FARP1: variants seen among roughly 807,000 people sequenced by gnomAD.
FARP1 encodes FERM, ARHGEF and pleckstrin domain-containing protein 1.
Under a neutral mutation model 128.8 loss-of-function variants are expected in FARP1, and 52 were observed. That is an observed-to-expected ratio of 0.40 (90% CI 0.32 to 0.51). FARP1 has a LOEUF of 0.51. FARP1 is among the 20% of genes least tolerant of loss of function. The pLI is 0.45. For synonymous variants in FARP1, 580 were observed against 551.8 expected (o/e 1.05, Z -0.72); for missense variants, 1,333 against 1,367.9 (o/e 0.97, Z 0.40).
intron 2 of FARP1, among the ~76,000 whole-genome samples, chr13:98,310,080 G>GGT (rs1555336214): frequency 1.4e-5 from 2 of 146,364 alleles, no homozygotes; most frequent in Non-Finnish European, 3.0e-5. Context: ...TAGATTACAT[G>GGT]TTTTTTTTTT....
intron 2 of FARP1, among the ~76,000 whole-genome samples, chr13:98,226,556 C>T (rs966973892): frequency 7.3e-5 from 11 of 151,454 alleles, no homozygotes; most frequent in South Asian, 4.2e-4. Flanking sequence ...TTTAACAAAC[C>T]GTTTGAAAAA....
intron 8 of FARP1, among the ~76,000 whole-genome samples, chr13:98,386,187 C>CTTTTT (rs138218092): frequency 5.4e-5 from 5 of 93,028 alleles, no homozygotes; most frequent in African/African-American, 1.8e-4. Flanking sequence ...TAATGTGATC[C>CTTTTT]TTTTTTTTTT....
intron 1 of FARP1, among the ~76,000 whole-genome samples, chr13:98,163,325 G>A (rs939497373): frequency 3.3e-5 from 5 of 152,142 alleles, no homozygotes; most frequent in Admixed American, 6.5e-5. Context: ...CTTGGAGAAG[G>A]GTGGCAGGAG....
intron 1 of FARP1, among the ~76,000 whole-genome samples, chr13:98,196,689 C>G (rs1432885866): frequency 6.6e-6 from 1 of 152,164 alleles, no homozygotes; most frequent in Non-Finnish European, 1.5e-5. Flanking sequence ...CAGAATGACT[C>G]CAGTCTGGTG....
chr13:98,244,266 T>C (rs867786496), intron 2 of FARP1, among the ~76,000 whole-genome samples: 3 of 152,296 alleles, frequency 2.0e-5, no homozygotes, highest in South Asian at 4.1e-4. Flanking sequence ...TTCCTAGCTT[T>C]ATTGAGATAT....
chr13:98,380,692 G>C (rs1277130519), intron 6 of FARP1, among the ~76,000 whole-genome samples: 1 of 151,936 alleles, frequency 6.6e-6, no homozygotes, highest in Non-Finnish European at 1.5e-5. Flanking sequence ...TCCTGCCTCA[G>C]CCTCCTGAGT....
intron 5 of FARP1, among the ~76,000 whole-genome samples, chr13:98,368,856 GTCGTCACCATCA>G (rs1723128009): frequency 6.6e-6 from 1 of 151,488 alleles, no homozygotes; most frequent in South Asian, 2.1e-4. Context: ...TGTTTTCATT[GTCGTCACCATCA>G]TCATCACCAT....
chr13:98,195,694 G>C (rs996007675), intron 1 of FARP1, among the ~76,000 whole-genome samples: 6 of 152,046 alleles, frequency 3.9e-5, no homozygotes, highest in African/African-American at 1.2e-4. Flanking sequence ...AAGGGAGAAG[G>C]GTTTTAAGAC....
chr13:98,297,104 T>C (rs1247045397), intron 2 of FARP1, among the ~76,000 whole-genome samples: 1 of 152,232 alleles, frequency 6.6e-6, no homozygotes, highest in Non-Finnish European at 1.5e-5. Context: ...GGGCTTTCTT[T>C]ATTGTGCACA....
At chr13:98,356,937 AATT>A (rs1280275953) in intron 3 of FARP1, among the ~76,000 whole-genome samples, 1 of 152,120 alleles carries the variant, frequency 6.6e-6, no homozygotes, top group East Asian at 1.9e-4. Context: ...CCGGCCAAGA[AATT>A]ACCCTTTTTT....
intron 2 of FARP1, among the ~76,000 whole-genome samples, chr13:98,258,112 AC>A (rs1883698822): frequency 6.6e-6 from 1 of 151,856 alleles, no homozygotes; most frequent in Non-Finnish European, 1.5e-5. Flanking sequence ...TAGCTGAGGC[AC>A]CCGCGACCGT....
intron 16 of FARP1, among the ~76,000 whole-genome samples, chr13:98,415,029 G>A (rs35008731): frequency 0.053 from 8,031 of 152,292 alleles, 296 homozygotes; most frequent in Non-Finnish European, 0.084. Flanking sequence ...TAAGTGCAGC[G>A]TGGCAGTGAG....
chr13:98,197,792 G>A (rs1879666164), intron 1 of FARP1, among the ~76,000 whole-genome samples: 1 of 151,704 alleles, frequency 6.6e-6, no homozygotes, highest in Non-Finnish European at 1.5e-5. Context: ...CCGCCACCAC[G>A]CCCGGCTAAT....
chr13:98,175,922 G>GT, intron 1 of FARP1: 1 of 534,556 alleles, frequency 1.9e-6, no homozygotes, highest in Non-Finnish European at 3.3e-6. Flanking sequence ...GCATTCCATT[G>GT]TGTGTGTGTA....
chr13:98,190,545 G>A (rs1879151029), intron 1 of FARP1, among the ~76,000 whole-genome samples: 1 of 150,956 alleles, frequency 6.6e-6, no homozygotes, highest in Non-Finnish European at 1.5e-5. Flanking sequence ...ATAAGCATCA[G>A]ATGACATTTC....
chr13:98,313,240 A>AACACAC (rs1886564333), intron 2 of FARP1, among the ~76,000 whole-genome samples: 1 of 65,288 alleles, frequency 1.5e-5, no homozygotes, highest in South Asian at 6.7e-4. Flanking sequence ...GGTGGGTCAT[A>AACACAC]ATACACACAC....
intron 13 of FARP1, among the ~76,000 whole-genome samples, chr13:98,407,833 T>A (rs1347495043): frequency 1.3e-5 from 2 of 152,318 alleles, no homozygotes; most frequent in East Asian, 3.9e-4. Flanking sequence ...TCTCCAGGGT[T>A]CATTTATACT....
rs1208640632 is a variant in FARP1 at position 98,389,863 on chromosome 13, T to C, written c.856-94T>C. 11 of 1,264,980 alleles carry C rather than the reference T, an allele frequency of 8.7e-6. No homozygotes were observed. The Middle Eastern group carries it at 9.6e-4, about 111-fold the overall frequency. The allele number at this position is 1,264,980 out of a possible 1,614,324, so 78.4% of individuals were successfully genotyped here. A position where few individuals can be genotyped will look rare whatever the true frequency, so the allele number is the denominator to read the frequency against. On this transcript the variant is annotated intron_variant, in intron 9 of 26. Transcript: ENST00000319562. ...ATAATAAAATACACAGCGAAAACTT[T>C]ATCGGACAAAGCTATCTTCTGCCCC...
intron 13 of FARP1, chr13:98,396,006 T>C (rs1220386850): frequency 7.5e-6 from 3 of 399,048 alleles, no homozygotes; most frequent in African/African-American, 4.1e-5. Flanking sequence ...GTCCTCCTTA[T>C]GAACGCTGGT....
Sources: allele counts gnomAD v4.1 joint callset (sites outside exome capture counted in the v4.1 genomes callset), GRCh38; gene constraint gnomAD v4.1.1; transcripts MANE v1.5; gene names NCBI Gene and HGNC (gene_info 2026-07-23, HGNC 2026-07-21).